C1QB: variants seen among roughly 807,000 people sequenced by gnomAD.
The protein encoded by C1QB is complement C1q B chain.
Under a neutral mutation model 4.6 loss-of-function variants are expected in C1QB, and 2 were observed. The ratio of observed to expected loss-of-function variants is 0.43; its 90% CI spans 0.18 to 1.36. The LOEUF (loss-of-function observed/expected upper bound fraction) is 1.36. Among genes scored for constraint, C1QB ranks in the 40% most tolerant of loss-of-function variants. The pLI is 0.28. For missense variants in C1QB, 292 were observed against 338.0 expected, an observed-to-expected ratio of 0.86 and a Z score of 1.07; for synonymous variants, 132 against 137.1, an observed-to-expected ratio of 0.96 and a Z score of 0.26.
Position 22,655,014 on chromosome 1 carries a change from G to A in C1QB, c.-24+1711G>A, listed in dbSNP as rs184471943. On this transcript the variant is annotated intron_variant, in intron 1 of 2. Coordinates refer to ENST00000509305, the MANE Select transcript of C1QB (RefSeq NM_001378156.1). ...TTTGACTCCCAGCCACACAGGAGCTGTGTGACTTTTATCAAGGTGCTTGCC... is the reference window on the plus strand; with the variant it reads ...TTTGACTCCCAGCCACACAGGAGCTATGTGACTTTTATCAAGGTGCTTGCC... 2.5e-4 allele frequency among the ~76,000 whole-genome samples: 38 copies of A among 152,318 alleles called. No individual in the cohort carries two copies. In the East Asian group the frequency reaches 6.4e-3, roughly 25 times the overall value.
At chr1:22,660,733 G>C in intron 2 of C1QB, 79 bp from the exon 3 acceptor site, 2 of 1,422,690 alleles carry the variant, frequency 1.4e-6, no homozygotes, top group Non-Finnish European at 2.0e-6. Flanking sequence ...GAGAGAGGCA[G>C]GGCCCTGCCC....
rs140972227 is a variant in C1QB at position 22,658,274 on chromosome 1, C to T, written c.-23-1166C>T. Among the ~76,000 whole-genome samples, 126 of 152,340 alleles carry T rather than the reference C, an allele frequency of 8.3e-4. 1 individual carries two copies. Among genetic ancestry groups the T allele is most frequent in the African/African-American group, 2.9e-3 (119 of 41,582 alleles). Reference sequence around the variant, plus strand: ...CTCCTGCTGATCCTCAACATCCTAACCTCTGTCCTGCCTCTGGGCCTTCTC... The same window carrying T: ...CTCCTGCTGATCCTCAACATCCTAATCTCTGTCCTGCCTCTGGGCCTTCTC... On this transcript the variant is annotated intron_variant, in intron 1 of 2. Transcript: ENST00000509305.
intron 1 of C1QB, among the ~76,000 whole-genome samples, chr1:22,658,913 GCA>G (rs1317217740): frequency 4.1e-5 from 4 of 97,560 alleles, no homozygotes; most frequent in Non-Finnish European, 1.1e-4. Flanking sequence ...ATGGATGGAT[GCA>G]GGGATGGAGG....
In C1QB at chr1:22,661,081, T is replaced by A. The variant is rs374859175; in HGVS notation, c.451T>A (p.Tyr151Asn). Residue 151 changes from tyrosine (Y) to asparagine (N), a missense_variant, in exon 3 of 3, where the codon TAT becomes AAT. Transcript: ENST00000509305. The stretch of plus-strand genomic sequence containing the variant: ...CGTGATCACCAACATGAACAACAAT[T>A]ATGAGCCCCGCAGTGGCAAGTTCAC... ...DHVITNMNNN[Y>N]EPRSGKFTCK... is the part of the protein sequence containing the mutation. 1.9e-6 allele frequency: 3 copies of A among 1,613,940 alleles called. No individual in the cohort carries two copies. Among genetic ancestry groups the A allele is most frequent in the Non-Finnish European group, 2.5e-6 (3 of 1,179,968 alleles).
chr1:22,659,855 G>T (rs1642594213), intron 2 of C1QB, among the ~76,000 whole-genome samples: 1 of 152,202 alleles, frequency 6.6e-6, no homozygotes, highest in Non-Finnish European at 1.5e-5. Context: ...ACTTACTCAA[G>T]GTAGCCCAGT....
chr1:22,658,337 C>G (rs1335875393), intron 1 of C1QB, among the ~76,000 whole-genome samples: 1 of 152,160 alleles, frequency 6.6e-6, no homozygotes, highest in Non-Finnish European at 1.5e-5. Flanking sequence ...TTGCCCCCAC[C>G]TTTTCTGGAC....
Position 22,659,427 on chromosome 1 carries a change from G to T in C1QB, c.-23-13G>T. 1 of 1,613,078 alleles carries T rather than the reference G, an allele frequency of 6.2e-7. No homozygotes were observed. Among genetic ancestry groups the T allele is most frequent in the Non-Finnish European group, 8.5e-7 (1 of 1,179,490 alleles). ...CACCACGGTGGTAACCTCTCACATTGTCTTCTCCACAGGAGGCGTCTGACA... is the reference window on the plus strand; with the variant it reads ...CACCACGGTGGTAACCTCTCACATTTTCTTCTCCACAGGAGGCGTCTGACA... On this transcript the variant is annotated splice_polypyrimidine_tract_variant and intron_variant, in intron 1 of 2. Coordinates refer to ENST00000509305, the MANE Select transcript of C1QB (RefSeq NM_001378156.1).
At chr1:22,655,563 G>A (rs1642517870) in intron 1 of C1QB, among the ~76,000 whole-genome samples, 1 of 152,214 alleles carries the variant, frequency 6.6e-6, no homozygotes. Context: ...CAACCCTGCT[G>A]TTAGAATAGT....
chr1:22,660,700 T>C, intron 2 of C1QB, 112 bp from the exon 3 acceptor site: 4 of 1,110,652 alleles, frequency 3.6e-6, no homozygotes, highest in Non-Finnish European at 5.4e-6. Context: ...TCCTTCGTTT[T>C]ACAGATGGGA....
Position 22,660,989 on chromosome 1 carries a change from T to C in C1QB, c.359T>C (p.Ile120Thr). 6.2e-7 allele frequency: 1 copy of C among 1,613,068 alleles called. No individual in the cohort carries two copies. Residue 120 changes from isoleucine to threonine, a missense_variant, in exon 3 of 3, where the codon ATC (isoleucine) becomes ACC (threonine). Physicochemically the swap from Ile to Thr is moderately conservative, Grantham distance 89 (BLOSUM62 -1). Coordinates refer to ENST00000509305, the MANE Select transcript of C1QB (RefSeq NM_001378156.1). Reference sequence around the variant, plus strand: ...GGAGACTACAAGGCCACCCAGAAAATCGCCTTCTCTGCCACAAGAACCATC... The same window carrying C: ...GGAGACTACAAGGCCACCCAGAAAACCGCCTTCTCTGCCACAAGAACCATC... Reference protein sequence around the residue: ...ESGDYKATQKIAFSATRTINV... With the variant: ...ESGDYKATQKTAFSATRTINV...
chr1:22,660,833 A>G lies in C1QB; in HGVS notation c.203A>G (p.Asp68Gly), dbSNP rs565791319. The G allele has an allele frequency of 1.2e-5, 19 of 1,613,660 alleles. No individual in the cohort carries two copies. The African/African-American group carries it at 2.0e-4, about 17-fold the overall frequency. Residue 68 changes from aspartate (D) to glycine (G), a missense_variant, in exon 3 of 3, where the codon GAC becomes GGC. Transcript: ENST00000509305. The part of the protein sequence containing the change: ...GEKGLPGLAG[D>G]HGEFGEKGDP... ...CCAGGGCTTCCAGGGCTGGCTGGAG[A>G]CCATGGTGAGTTCGGAGAGAAGGGA...
chr1:22,657,980 A>G (rs776099465), intron 1 of C1QB, among the ~76,000 whole-genome samples: 1 of 152,138 alleles, frequency 6.6e-6, no homozygotes, highest in Non-Finnish European at 1.5e-5. Context: ...TGGCAGGGAC[A>G]TCGGCTTCAT....
chr1:22,655,310 T>C (rs543932665), intron 1 of C1QB, among the ~76,000 whole-genome samples: 1 of 152,368 alleles, frequency 6.6e-6, no homozygotes, highest in East Asian at 1.9e-4. Flanking sequence ...AACCTAAAGC[T>C]GTCACCAGCA....
At chr1:22,655,163 AC>A (rs1309384314) in intron 1 of C1QB, among the ~76,000 whole-genome samples, 1 of 152,182 alleles carries the variant, frequency 6.6e-6, no homozygotes, top group African/African-American at 2.4e-5. Context: ...GCCTATACGT[AC>A]CCAACTTATT....
intron 1 of C1QB, chr1:22,654,029 A>C (rs963699849): frequency 6.6e-5 from 10 of 152,272 alleles, no homozygotes; most frequent in African/African-American, 2.2e-4. Flanking sequence ...TGAAATCAGC[A>C]TTGCCAAGAG....
At position 22,661,376 on chromosome 1, in the gene C1QB, T is replaced by C. The variant is rs758710994; in HGVS notation, c.746T>C (p.Met249Thr). 4.3e-6 allele frequency: 7 copies of C among 1,613,762 alleles called. No individual in the cohort carries two copies. In the South Asian group the frequency reaches 6.6e-5, roughly 15 times the overall value. Residue 249 changes from methionine (M) to threonine (T), a missense_variant, in exon 3 of 3, where the codon ATG becomes ACG. Coordinates refer to ENST00000509305, the MANE Select transcript of C1QB (RefSeq NM_001378156.1). ...IFSGFLLFPD[M>T]EA Reference sequence around the variant, plus strand: ...TCCGGGTTCCTGCTCTTTCCAGATATGGAGGCCTGACCTGTGGGCTGCTTC... The same window carrying C: ...TCCGGGTTCCTGCTCTTTCCAGATACGGAGGCCTGACCTGTGGGCTGCTTC...
At chr1:22,660,690 T>A in intron 2 of C1QB, 122 bp from the exon 3 acceptor site, 22 of 990,960 alleles carry the variant, frequency 2.2e-5, no homozygotes, top group Non-Finnish European at 3.3e-5. Flanking sequence ...TGACACTGCC[T>A]CCTTCGTTTT....
Position 22,661,156 on chromosome 1 carries a change from G to A in C1QB, c.526G>A (p.Gly176Arg), listed in dbSNP as rs1206457513. Residue 176 changes from glycine to arginine, a missense_variant, in exon 3 of 3, where the codon GGG becomes AGG. By Grantham distance (125) the Gly-to-Arg change is moderately radical (BLOSUM62 -2). Transcript: ENST00000509305. ...YYFTYHASSR[G>R]NLCVNLMRGR... Reference sequence around the variant, plus strand: ...CTTCACCTACCACGCCAGCTCTCGAGGGAACCTGTGCGTGAACCTCATGCG... The same window carrying A: ...CTTCACCTACCACGCCAGCTCTCGAAGGAACCTGTGCGTGAACCTCATGCG... 1 of 1,614,144 alleles carries A rather than the reference G, an allele frequency of 6.2e-7. No homozygotes were observed. Among genetic ancestry groups the A allele is most frequent in the Non-Finnish European group, 8.5e-7 (1 of 1,180,032 alleles).
intron 1 of C1QB, among the ~76,000 whole-genome samples, chr1:22,656,081 A>G (rs1460744749): frequency 6.6e-6 from 1 of 152,164 alleles, no homozygotes; most frequent in African/African-American, 2.4e-5. Flanking sequence ...TGTGATGTGC[A>G]GCTAGCGTTG....
Sources: allele counts gnomAD v4.1 joint callset (sites outside exome capture counted in the v4.1 genomes callset), GRCh38; gene constraint gnomAD v4.1.1; transcripts MANE v1.5; gene names NCBI Gene and HGNC (gene_info 2026-07-23, HGNC 2026-07-21).